CSMD1: variants seen among roughly 807,000 people sequenced by gnomAD.
CSMD1 encodes CUB and sushi domain-containing protein 1.
A neutral mutation model predicts 417.5 loss-of-function variants in CSMD1; 213 were observed. The observed-to-expected ratio is 0.51, with a 90% CI of 0.46 to 0.57. The LOEUF is 0.57. CSMD1 is among the 20% of genes least tolerant of loss of function. The probability of loss-of-function intolerance (pLI) is 0.00; values close to 1 mark genes in which losing one functional copy is unlikely to be tolerated. For synonymous variants in CSMD1, 2,862 were observed against 1,736.8 expected (o/e 1.65, Z -16.11); for missense variants, 6,923 against 4,529.7 (o/e 1.53, Z -15.17).
At chr8:3,701,075 T>G (rs1312951661) in intron 7 of CSMD1, among the ~76,000 whole-genome samples, 1 of 151,596 alleles carries the variant, frequency 6.6e-6, no homozygotes, top group African/African-American at 2.4e-5. Context: ...AGGGGTGCTG[T>G]GAAGGTCTAG....
Position 4,879,078 on chromosome 8 carries a change from C to T in CSMD1, c.85+115254G>A, listed in dbSNP as rs1803231468. ...GTAGTAAGACTTGATATTGTAGACA[C>T]TAAGTAAGCTTTGCAAACAAACAAA... On this transcript the variant is annotated intron_variant, in intron 1 of 69. Coordinates refer to ENST00000635120, the MANE Select transcript of CSMD1 (RefSeq NM_033225.6). Among the ~76,000 whole-genome samples the T allele has an allele frequency of 2.6e-5, 4 of 151,872 alleles. No homozygotes were observed. In the South Asian group the frequency reaches 8.3e-4, roughly 31 times the overall value.
At chr8:3,400,661 A>C (rs1811982915) in intron 15 of CSMD1, among the ~76,000 whole-genome samples, 1 of 152,112 alleles carries the variant, frequency 6.6e-6, no homozygotes, top group Non-Finnish European at 1.5e-5. Flanking sequence ...TAGAATGTTA[A>C]ACTTGAAAAG....
chr8:4,473,187 C>T lies in CSMD1; in HGVS notation c.303-53122G>A, dbSNP rs74458621. Among the ~76,000 whole-genome samples the T allele has an allele frequency of 9.5e-3, 1,441 of 152,128 alleles. 12 individuals carry two copies. Among genetic ancestry groups the T allele is most frequent in the South Asian group, 0.024 (116 of 4,820 alleles). On this transcript the variant is annotated intron_variant, in intron 2 of 69. Transcript: ENST00000635120. ...TTCCAATGATTTTCCAAACCAATGA[C>T]GACTTAAAATTTCAATTATAAATGA... is the stretch of plus-strand genomic sequence containing the variant.
chr8:4,578,715 G>C (rs113068074), intron 2 of CSMD1, among the ~76,000 whole-genome samples: 5,534 of 149,208 alleles, frequency 0.037, 370 homozygotes, highest in African/African-American at 0.13. Flanking sequence ...TCAAGAGGCT[G>C]AGGCAAGATA....
At chr8:3,395,764 C>A (rs150817228) in intron 17 of CSMD1, among the ~76,000 whole-genome samples, 3 of 152,272 alleles carry the variant, frequency 2.0e-5, no homozygotes, top group African/African-American at 4.8e-5. Context: ...TCTATCTATA[C>A]TCAGATTCGG....
At chr8:4,658,020 G>C (rs1161910674) in intron 1 of CSMD1, among the ~76,000 whole-genome samples, 1 of 151,854 alleles carries the variant, frequency 6.6e-6, no homozygotes, top group East Asian at 1.9e-4. Flanking sequence ...AATTAAGAAA[G>C]TTGAAAATAT....
intron 5 of CSMD1, among the ~76,000 whole-genome samples, chr8:3,791,474 T>C (rs1013983779): frequency 1.3e-5 from 2 of 152,330 alleles, no homozygotes; most frequent in Admixed American, 1.3e-4. Flanking sequence ...TAATACGTTC[T>C]TTAGTTGAAT....
chr8:3,388,645 G>C (rs1465678255), intron 17 of CSMD1, among the ~76,000 whole-genome samples: 1 of 152,106 alleles, frequency 6.6e-6, no homozygotes, highest in Non-Finnish European at 1.5e-5. Flanking sequence ...GCTATAACTT[G>C]GGCCTGGCCC....
intron 12 of CSMD1, among the ~76,000 whole-genome samples, chr8:3,411,935 T>C (rs1378409160): frequency 1.6e-5 from 2 of 125,602 alleles, no homozygotes; most frequent in East Asian, 2.7e-4. Flanking sequence ...TATATACACG[T>C]ATATATGCAC....
intron 3 of CSMD1, among the ~76,000 whole-genome samples, chr8:4,326,572 C>A (rs532920414): frequency 7.2e-5 from 11 of 152,292 alleles, no homozygotes; most frequent in South Asian, 4.1e-4. Context: ...ACGTTAGAAG[C>A]AATTCCAAAC....
At chr8:4,637,301 T>TA in intron 2 of CSMD1, 41 bp downstream of exon 2, 1 of 1,449,566 alleles carries the variant, frequency 6.9e-7, no homozygotes, top group South Asian at 1.2e-5. Context: ...ATCTGTGTAT[T>TA]CAAACAGTGC....
chr8:3,134,383 C>G (rs370291791), intron 41 of CSMD1, among the ~76,000 whole-genome samples: 3 of 152,132 alleles, frequency 2.0e-5, no homozygotes, highest in Non-Finnish European at 1.5e-5. Flanking sequence ...GCACCTGCAT[C>G]CAACCACGAA....
chr8:4,984,646 G>C (rs1207285866), intron 1 of CSMD1, among the ~76,000 whole-genome samples: 1 of 152,044 alleles, frequency 6.6e-6, no homozygotes, highest in Non-Finnish European at 1.5e-5. Flanking sequence ...ATAGCCTTTT[G>C]TAAAGGGGAA....
At chr8:3,382,661 T>C (rs1325096092) in intron 18 of CSMD1, among the ~76,000 whole-genome samples, 1 of 149,170 alleles carries the variant, frequency 6.7e-6, no homozygotes, top group Non-Finnish European at 1.5e-5. Flanking sequence ...AGATATAAAA[T>C]GTATCTGCAT....
At chr8:3,967,793 T>G (rs1256681959) in intron 5 of CSMD1, among the ~76,000 whole-genome samples, 1 of 152,042 alleles carries the variant, frequency 6.6e-6, no homozygotes, top group Admixed American at 6.6e-5. Flanking sequence ...TTAATCTACA[T>G]ATCCAATTTG....
chr8:3,914,410 G>A (rs1808672874), intron 5 of CSMD1, among the ~76,000 whole-genome samples: 1 of 152,134 alleles, frequency 6.6e-6, no homozygotes, highest in Admixed American at 6.5e-5. Context: ...TTTGGTGCAA[G>A]AAAGGAGAGA....
chr8:4,178,253 C>T (rs936352172), intron 3 of CSMD1, among the ~76,000 whole-genome samples: 64 of 152,220 alleles, frequency 4.2e-4, no homozygotes, highest in African/African-American at 1.4e-3. Flanking sequence ...GGCTTCATCC[C>T]TGGGATGCAA....
In CSMD1 at chr8:4,000,660, T is replaced by C. The variant is rs543904914; in HGVS notation, c.611-2550A>G. Reference sequence around the variant, plus strand: ...CACTAGAGACAGATATTTACTTTTATTATTGATTAAATAACTCTATATAAA... The same window carrying C: ...CACTAGAGACAGATATTTACTTTTACTATTGATTAAATAACTCTATATAAA... On this transcript the variant is annotated intron_variant, in intron 4 of 69. Coordinates refer to ENST00000635120, the MANE Select transcript of CSMD1 (RefSeq NM_033225.6). Among the ~76,000 whole-genome samples the C allele has an allele frequency of 3.3e-5, 5 of 152,306 alleles. No individual in the cohort carries two copies. In the South Asian group the frequency reaches 8.3e-4, roughly 25 times the overall value.
chr8:4,501,699 C>T (rs981530911), intron 2 of CSMD1, among the ~76,000 whole-genome samples: 1 of 152,204 alleles, frequency 6.6e-6, no homozygotes, highest in Non-Finnish European at 1.5e-5. Flanking sequence ...TGGATTCACA[C>T]TATCTACATT....
Sources: allele counts gnomAD v4.1 joint callset (sites outside exome capture counted in the v4.1 genomes callset), GRCh38; gene constraint gnomAD v4.1.1; transcripts MANE v1.5; gene names NCBI Gene and HGNC (gene_info 2026-07-23, HGNC 2026-07-21).